The following FHIT variants were observed in gnomAD, a reference collection of about 807,000 sequenced individuals.
FHIT encodes bis(5'-adenosyl)-triphosphatase.
A neutral mutation model predicts 17.9 loss-of-function variants in FHIT; 19 were observed. That is an observed-to-expected ratio of 1.06 (90% CI 0.74 to 1.56). FHIT has a LOEUF of 1.56. Among genes scored for constraint, FHIT ranks in the 40% most tolerant of loss-of-function variants. The pLI is 0.00. For missense variants in FHIT, 248 were observed against 189.2 expected, an observed-to-expected ratio of 1.31 and a Z score of -1.82; for synonymous variants, 81 against 69.7, an observed-to-expected ratio of 1.16 and a Z score of -0.81.
At chr3:60,150,260 G>C (rs1194404913) in intron 5 of FHIT, among the ~76,000 whole-genome samples, 1 of 152,064 alleles carries the variant, frequency 6.6e-6, no homozygotes, top group African/African-American at 2.4e-5. Context: ...GCCTCCCAAA[G>C]TGCTGGGATT....
intron 2 of FHIT, among the ~76,000 whole-genome samples, chr3:61,043,370 T>G (rs2033622282): frequency 6.6e-6 from 1 of 152,188 alleles, no homozygotes; most frequent in Non-Finnish European, 1.5e-5. Flanking sequence ...GGAGCCTTGC[T>G]CTCTGTTAGC....
intron 4 of FHIT, among the ~76,000 whole-genome samples, chr3:60,769,348 G>A (rs1442229275): frequency 2.6e-5 from 4 of 152,148 alleles, no homozygotes; most frequent in African/African-American, 4.8e-5. Flanking sequence ...GGGGAGAGGG[G>A]AGAGCAGTGC....
Position 60,081,642 on chromosome 3 carries a change from A to T in FHIT, c.104-67490T>A, listed in dbSNP as rs112485855. 5.6e-3 allele frequency among the ~76,000 whole-genome samples: 851 copies of T among 152,316 alleles called. 9 individuals carry two copies. The highest frequency in any genetic ancestry group is 0.019 in the African/African-American group (808 of 41,586). The stretch of plus-strand genomic sequence containing the variant: ...TATATGCTGCTTACTGAATGACAAT[A>T]ATAAATGTAGGCTCTTATTTAATTA... On this transcript the variant is annotated intron_variant, in intron 5 of 9. Coordinates refer to ENST00000492590, the MANE Select transcript of FHIT (RefSeq NM_002012.4).
chr3:60,567,269 T>C (rs372022419), intron 4 of FHIT, among the ~76,000 whole-genome samples: 16 of 150,748 alleles, frequency 1.1e-4, no homozygotes, highest in African/African-American at 2.9e-4. Flanking sequence ...GAGATATAGA[T>C]CAATGGAACA....
chr3:60,098,168 A>G (rs1197153196), intron 5 of FHIT, among the ~76,000 whole-genome samples: 2 of 135,554 alleles, frequency 1.5e-5, no homozygotes, highest in Non-Finnish European at 3.2e-5. Flanking sequence ...TAGTGCCGCA[A>G]TAAACATACG....
At chr3:61,162,488 G>C (rs1000045606) in intron 2 of FHIT, among the ~76,000 whole-genome samples, 1 of 152,186 alleles carries the variant, frequency 6.6e-6, no homozygotes, top group African/African-American at 2.4e-5. Flanking sequence ...TGGTTTAGCA[G>C]TGAATTCCAC....
intron 4 of FHIT, among the ~76,000 whole-genome samples, chr3:60,566,695 T>C (rs2037147740): frequency 6.6e-6 from 1 of 152,134 alleles, no homozygotes; most frequent in Admixed American, 6.5e-5. Flanking sequence ...GACATGATTG[T>C]ATATCTAGAA....
At chr3:59,976,093 A>G (rs1708398227) in intron 7 of FHIT, among the ~76,000 whole-genome samples, 3 of 152,202 alleles carry the variant, frequency 2.0e-5, no homozygotes, top group Middle Eastern at 3.4e-3. Context: ...AAATGAGGAA[A>G]CTAACTGCAT....
intron 5 of FHIT, among the ~76,000 whole-genome samples, chr3:60,026,955 T>C (rs1700763755): frequency 1.3e-5 from 2 of 151,778 alleles, no homozygotes; most frequent in South Asian, 4.2e-4. Context: ...AAAAATCAGC[T>C]AGGCATGGTG....
intron 2 of FHIT, among the ~76,000 whole-genome samples, chr3:61,156,416 C>G (rs975114495): frequency 6.6e-6 from 1 of 151,904 alleles, no homozygotes; most frequent in Admixed American, 6.6e-5. Flanking sequence ...CTCACAGCAC[C>G]CTGAACTTCC....
intron 3 of FHIT, among the ~76,000 whole-genome samples, chr3:60,870,085 C>A (rs1704342231): frequency 6.6e-6 from 1 of 152,112 alleles, no homozygotes. Context: ...CCTTAGCTTC[C>A]ATTTTCCTTC....
intron 4 of FHIT, among the ~76,000 whole-genome samples, chr3:60,557,650 A>G (rs2036787399): frequency 6.6e-6 from 1 of 151,808 alleles, no homozygotes; most frequent in Non-Finnish European, 1.5e-5. Flanking sequence ...CAGAGAAACA[A>G]AGTTGGGAGC....
chr3:61,144,850 T>C (rs2107018749), intron 2 of FHIT, among the ~76,000 whole-genome samples: 1 of 152,318 alleles, frequency 6.6e-6, no homozygotes, highest in African/African-American at 2.4e-5. Flanking sequence ...ATATCTTCTT[T>C]GGGAAAATGC....
At chr3:60,692,118 C>A (rs1161220891) in intron 4 of FHIT, among the ~76,000 whole-genome samples, 1 of 152,126 alleles carries the variant, frequency 6.6e-6, no homozygotes, top group Admixed American at 6.6e-5. Flanking sequence ...ACCTAGCATA[C>A]CTGTTGGGAT....
chr3:61,140,554 A>G (rs1576090439), intron 2 of FHIT, among the ~76,000 whole-genome samples: 1 of 152,198 alleles, frequency 6.6e-6, no homozygotes, highest in Non-Finnish European at 1.5e-5. Context: ...CCTAGCACAG[A>G]CAGTATCAAG....
At chr3:59,774,987 T>G (rs1380413039) in intron 8 of FHIT, among the ~76,000 whole-genome samples, 1 of 152,210 alleles carries the variant, frequency 6.6e-6, no homozygotes, top group South Asian at 2.1e-4. Context: ...TCAGACCGAC[T>G]GAACTAAAAA....
At chr3:60,894,879 T>C (rs2107191207) in intron 3 of FHIT, among the ~76,000 whole-genome samples, 1 of 152,268 alleles carries the variant, frequency 6.6e-6, no homozygotes, top group Middle Eastern at 3.4e-3. Context: ...TGAAAAGTGG[T>C]TTTTGCTAAA....
At chr3:60,320,468 C>T (rs1254931933) in intron 5 of FHIT, among the ~76,000 whole-genome samples, 1 of 152,134 alleles carries the variant, frequency 6.6e-6, no homozygotes, top group Non-Finnish European at 1.5e-5. Context: ...AAATCATAAA[C>T]GATGGCTAAT....
intron 7 of FHIT, among the ~76,000 whole-genome samples, chr3:59,923,329 A>C (rs575869320): frequency 6.6e-6 from 1 of 151,742 alleles, no homozygotes; most frequent in Admixed American, 6.6e-5. Flanking sequence ...AGGGCGCCAC[A>C]GGAAGTAAAA....
Sources: allele counts gnomAD v4.1 joint callset (sites outside exome capture counted in the v4.1 genomes callset), GRCh38; gene constraint gnomAD v4.1.1; transcripts MANE v1.5; gene names NCBI Gene and HGNC (gene_info 2026-07-23, HGNC 2026-07-21).